MAP3K7: variants seen among roughly 807,000 people sequenced by gnomAD.
MAP3K7 encodes TGF-beta activated kinase 1.
MAP3K7 carries 21 observed loss-of-function variants against 84.8 expected under a neutral mutation model. The ratio of observed to expected loss-of-function variants is 0.25; its 90% CI spans 0.18 to 0.36. MAP3K7 has a LOEUF of 0.36. MAP3K7 is among the 10% of genes least tolerant of loss of function. MAP3K7 has a pLI of 1.00. For missense variants in MAP3K7, 503 were observed against 747.7 expected, an observed-to-expected ratio of 0.67 and a Z score of 3.82; for synonymous variants, 241 against 247.7, an observed-to-expected ratio of 0.97 and a Z score of 0.25.
At position 90,571,739 on chromosome 6, in the gene MAP3K7, T is replaced by C; in HGVS notation, c.189A>G (p.Lys63=). The part of the protein sequence containing the change: ...AKWRAKDVAI[K]QIESESERKA... ...TCCTCTCAGATTCACTTTCTATTTG[T>C]TTAATAGCAACATCTTTTGCTCTCC... The change falls in exon 2 of 17, where the codon AAA becomes AAG. Residue 63 remains lysine (K), a synonymous_variant. Transcript: ENST00000369329. The C allele has an allele frequency of 6.2e-7, 1 of 1,606,238 alleles. No individual in the cohort carries two copies. The highest frequency in any genetic ancestry group is 8.5e-7 in the Non-Finnish European group (1 of 1,176,662).
chr6:90,548,998 G>T (rs1036953744), intron 9 of MAP3K7, among the ~76,000 whole-genome samples: 1 of 152,164 alleles, frequency 6.6e-6, no homozygotes, highest in Non-Finnish European at 1.5e-5. Flanking sequence ...CAAGAAAGAA[G>T]GGGAAAAGAG....
chr6:90,554,068 G>A (rs1776261190), intron 6 of MAP3K7, among the ~76,000 whole-genome samples: 1 of 152,068 alleles, frequency 6.6e-6, no homozygotes, highest in Non-Finnish European at 1.5e-5. Context: ...GGCACAACTG[G>A]TTAATTTTTT....
intron 1 of MAP3K7, among the ~76,000 whole-genome samples, chr6:90,582,613 C>T (rs1264254781): frequency 1.3e-5 from 2 of 152,098 alleles, no homozygotes; most frequent in Admixed American, 6.6e-5. Context: ...GCGCTTTAGG[C>T]AGAGGAACAA....
chr6:90,553,955 T>C (rs954391121), intron 6 of MAP3K7, among the ~76,000 whole-genome samples: 1 of 152,244 alleles, frequency 6.6e-6, no homozygotes. Flanking sequence ...TATTTTATTC[T>C]GAGACAGGAT....
intron 3 of MAP3K7, among the ~76,000 whole-genome samples, chr6:90,566,050 G>T (rs902178841): frequency 2.0e-5 from 3 of 152,108 alleles, no homozygotes; most frequent in African/African-American, 7.2e-5. Context: ...ACTAGGTACT[G>T]ATGGGACGTA....
At position 90,582,264 on chromosome 6, in the gene MAP3K7, T is replaced by C. The variant is rs567978156; in HGVS notation, c.120+4500A>G. 1.4e-4 allele frequency among the ~76,000 whole-genome samples: 22 copies of C among 152,304 alleles called. No individual in the cohort carries two copies. In the South Asian group the frequency reaches 4.6e-3, roughly 32 times the overall value. ...TTTCTAACGTGTTGCCTTAGCCAAA[T>C]CGCATAACTCAGCTCCTATTTTATC... On this transcript the variant is annotated intron_variant, in intron 1 of 16. Transcript: ENST00000369329.
At chr6:90,553,246 G>A (rs1319364822) in intron 7 of MAP3K7, among the ~76,000 whole-genome samples, 3 of 152,180 alleles carry the variant, frequency 2.0e-5, no homozygotes, top group Non-Finnish European at 2.9e-5. Flanking sequence ...ATCCTCAGCC[G>A]CATGTGTAGA....
At position 90,521,457 on chromosome 6, in the gene MAP3K7, C is replaced by T. The variant is rs995349338; in HGVS notation, c.1463-2138G>A. ...GTGGAATGCTGCCTTCTCCTTTCTG[C>T]TTTATGGCTAAAGAAAAGTCTCATC... On this transcript the variant is annotated intron_variant, in intron 14 of 16. Transcript: ENST00000369329. 9.2e-5 allele frequency among the ~76,000 whole-genome samples: 14 copies of T among 152,136 alleles called. No individual in the cohort carries two copies. In the East Asian group the frequency reaches 2.5e-3, roughly 27 times the overall value.
At chr6:90,545,336 C>T (rs545939128) in intron 11 of MAP3K7, among the ~76,000 whole-genome samples, 10 of 152,026 alleles carry the variant, frequency 6.6e-5, no homozygotes, top group Non-Finnish European at 1.3e-4. Flanking sequence ...TTGTTCTACA[C>T]TTAGGCAAAA....
chr6:90,584,863 T>TC (rs1477905142), intron 1 of MAP3K7, among the ~76,000 whole-genome samples: 1 of 152,128 alleles, frequency 6.6e-6, no homozygotes, highest in Non-Finnish European at 1.5e-5. Flanking sequence ...GAATTTTTAT[T>TC]CTTAAAAAAG....
At chr6:90,565,741 C>G (rs1056060028) in intron 3 of MAP3K7, among the ~76,000 whole-genome samples, 8 of 152,160 alleles carry the variant, frequency 5.3e-5, no homozygotes, top group African/African-American at 1.9e-4. Flanking sequence ...GATACCAAAG[C>G]CTGGCATAAA....
At chr6:90,582,184 CA>C (rs1249225422) in intron 1 of MAP3K7, among the ~76,000 whole-genome samples, 1 of 152,174 alleles carries the variant, frequency 6.6e-6, no homozygotes, top group Non-Finnish European at 1.5e-5. Context: ...CCCTGCTAAA[CA>C]AAAGTATCTG....
intron 7 of MAP3K7, 144 bp from the exon 8 acceptor site, chr6:90,552,323 G>T (rs1776208046): frequency 1.4e-6 from 1 of 724,348 alleles, no homozygotes; most frequent in African/African-American, 1.8e-5. Flanking sequence ...AAAGTGCTTT[G>T]TAATTTTATC....
At chr6:90,544,708 T>A (rs35937919) in intron 11 of MAP3K7, 76 bp from the exon 12 acceptor site, 1 of 1,173,748 alleles carries the variant, frequency 8.5e-7, no homozygotes, top group East Asian at 2.4e-5. Context: ...ACTACAAAAA[T>A]AGACTCATTT....
chr6:90,560,963 T>C (rs1015734932), intron 4 of MAP3K7, among the ~76,000 whole-genome samples: 1 of 152,118 alleles, frequency 6.6e-6, no homozygotes, highest in Non-Finnish European at 1.5e-5. Context: ...CCAGAAGTAG[T>C]TCAATCAAAT....
intron 1 of MAP3K7, among the ~76,000 whole-genome samples, chr6:90,573,492 T>G (rs1451286653): frequency 6.6e-6 from 1 of 152,226 alleles, no homozygotes; most frequent in Non-Finnish European, 1.5e-5. Flanking sequence ...AAATTCCACT[T>G]CATGTATCAA....
At chr6:90,540,357 G>T (rs921729418) in intron 12 of MAP3K7, among the ~76,000 whole-genome samples, 2 of 151,824 alleles carry the variant, frequency 1.3e-5, no homozygotes, top group Non-Finnish European at 2.9e-5. Context: ...CTATAGAATG[G>T]ATGGTTTTCA....
Position 90,552,038 on chromosome 6 carries a change from A to G in MAP3K7, c.867+11T>C. 1 of 1,589,250 alleles carries G rather than the reference A, an allele frequency of 6.3e-7. No individual in the cohort carries two copies. Among genetic ancestry groups the G allele is most frequent in the Non-Finnish European group, 8.6e-7 (1 of 1,161,170 alleles). On this transcript the variant is annotated intron_variant, in intron 8 of 16. Coordinates refer to ENST00000369329, the MANE Select transcript of MAP3K7 (RefSeq NM_145331.3). ...CCCTAAATCCAAAGCCCCTCAAAAG[A>G]AGGATTATACCCGCATCAAGTGAGT...
At chr6:90,552,874 T>C (rs1273820261) in intron 7 of MAP3K7, among the ~76,000 whole-genome samples, 1 of 152,192 alleles carries the variant, frequency 6.6e-6, no homozygotes, top group Non-Finnish European at 1.5e-5. Context: ...GCATCTGGAT[T>C]TGAATCCCAG....
Sources: allele counts gnomAD v4.1 joint callset (sites outside exome capture counted in the v4.1 genomes callset), GRCh38; gene constraint gnomAD v4.1.1; transcripts MANE v1.5; gene names NCBI Gene and HGNC (gene_info 2026-07-23, HGNC 2026-07-21).